TXNRD2: variants seen among roughly 807,000 people sequenced by gnomAD.
TXNRD2 encodes the protein thioredoxin reductase 2, also known as thioredoxin reductase 2, mitochondrial.
A neutral mutation model predicts 70.8 loss-of-function variants in TXNRD2; 67 were observed. The observed-to-expected ratio is 0.95, with a 90% CI of 0.78 to 1.16. TXNRD2 has a LOEUF of 1.16. TXNRD2 is among the 50% of genes most tolerant of loss of function. TXNRD2 has a pLI of 0.00. For missense variants in TXNRD2, 644 were observed against 719.9 expected, an observed-to-expected ratio of 0.89 and a Z score of 1.21; for synonymous variants, 301 against 295.8, an observed-to-expected ratio of 1.02 and a Z score of -0.18.
rs1428033641 is a variant in TXNRD2, at chr22:19,881,788, C to T, written c.1087-1071G>A. On this transcript the variant is annotated intron_variant, in intron 12 of 17. Coordinates refer to ENST00000400521, the MANE Select transcript of TXNRD2 (RefSeq NM_006440.5). ...CCACTGCACCTACATGGTCCACAGGCAGAGGCTGCGCTTGCAGAAATCACT... is the reference window on the plus strand; with the variant it reads ...CCACTGCACCTACATGGTCCACAGGTAGAGGCTGCGCTTGCAGAAATCACT... Among the ~76,000 whole-genome samples, 5 of 152,294 alleles carry T rather than the reference C, an allele frequency of 3.3e-5. No homozygotes were observed. The East Asian group carries it at 9.7e-4, about 29-fold the overall frequency.
intron 1 of TXNRD2, among the ~76,000 whole-genome samples, chr22:19,935,909 C>G (rs1941522142): frequency 6.6e-6 from 1 of 152,146 alleles, no homozygotes; most frequent in African/African-American, 2.4e-5. Flanking sequence ...GGTGAGTTGT[C>G]TGTGTATTCT....
chr22:19,919,064 GTTC>G, intron 3 of TXNRD2, 60 bp from the exon 4 acceptor site: 1 of 1,554,708 alleles, frequency 6.4e-7, no homozygotes, highest in Non-Finnish European at 8.7e-7. Flanking sequence ...AGGCTTCCCT[GTTC>G]TTCTAGAGTG....
chr22:19,925,384 A>G (rs1601468972), intron 2 of TXNRD2, among the ~76,000 whole-genome samples: 1 of 152,074 alleles, frequency 6.6e-6, no homozygotes, highest in East Asian at 1.9e-4. Context: ...CCCCAGAGCC[A>G]TATTACAAGA....
At position 19,880,623 on chromosome 22, in the gene TXNRD2, T is replaced by C. The variant is rs1405953502; in HGVS notation, c.1181A>G (p.Asn394Ser). The change falls in exon 13 of 18, where the codon AAT becomes AGT. Residue 394 changes from asparagine to serine, a missense_variant and splice_region_variant. Around this residue, in one of 3 missense-constraint regions of TXNRD2, gnomAD observed 566 missense variants for 645.0 expected, o/e 0.88. Coordinates refer to ENST00000400521, the MANE Select transcript of TXNRD2 (RefSeq NM_006440.5). ...GTGGCGTCCTGCTAGAGAACTCACA[T>C]TGTCGTAGTCCATCAGATCTGAGGA... ...GGSSDLMDYD[N>S]VPTTVFTPLE... The C allele has an allele frequency of 6.2e-7, 1 of 1,613,222 alleles. No homozygotes were observed. The highest frequency in any genetic ancestry group is 8.5e-7 in the Non-Finnish European group (1 of 1,179,938).
At position 19,881,797 on chromosome 22, in the gene TXNRD2, C is replaced by T. The variant is rs1938792429; in HGVS notation, c.1087-1080G>A. On this transcript the variant is annotated intron_variant, in intron 12 of 17. Transcript: ENST00000400521. Reference sequence around the variant, plus strand: ...CTACATGGTCCACAGGCAGAGGCTGCGCTTGCAGAAATCACTGAGCAGCTG... The same window carrying T: ...CTACATGGTCCACAGGCAGAGGCTGTGCTTGCAGAAATCACTGAGCAGCTG... Among the ~76,000 whole-genome samples the T allele has an allele frequency of 2.6e-5, 4 of 152,318 alleles. No individual in the cohort carries two copies. The South Asian group carries it at 8.3e-4, about 32-fold the overall frequency.
chr22:19,880,695 A>C lies in TXNRD2; in HGVS notation c.1109T>G (p.Ile370Arg). ...CAGGAGCCTCCCGGCCATGATCGCT[A>C]TGGGTGTCAGCTCAGGCCGCCCCTT... ...VVEGRPELTP[I>R]AIMAGRLLVQ... is the part of the protein sequence containing the mutation. The change falls in exon 13 of 18, where the codon ATA (isoleucine) becomes AGA (arginine). Residue 370 changes from isoleucine (I) to arginine (R), a missense_variant. By Grantham distance (97) the Ile-to-Arg change is moderately conservative. Transcript: ENST00000400521. The C allele has an allele frequency of 6.2e-7, 1 of 1,612,982 alleles. No homozygotes were observed. Among genetic ancestry groups the C allele is most frequent in the Non-Finnish European group, 8.5e-7 (1 of 1,179,930 alleles).
Position 19,918,532 on chromosome 22 carries a change from G to T in TXNRD2, c.375-315C>A, listed in dbSNP as rs114298877. 7.9e-3 allele frequency among the ~76,000 whole-genome samples: 1,198 copies of T among 152,062 alleles called. 16 individuals are homozygous for T. Among genetic ancestry groups the T allele is most frequent in the African/African-American group, 0.027 (1,102 of 41,484 alleles). ...AATGTGGGTGTGGCTGGGCCACGTG[G>T]TCCCCTTCCCAGAAGAGCTCAGCTG... On this transcript the variant is annotated intron_variant, in intron 4 of 17. Transcript: ENST00000400521.
At chr22:19,922,823 A>T (rs970388342) in intron 2 of TXNRD2, among the ~76,000 whole-genome samples, 3 of 152,088 alleles carry the variant, frequency 2.0e-5, no homozygotes, top group African/African-American at 7.2e-5. Flanking sequence ...AATAGCTGGG[A>T]TTACAGGTGC....
intron 3 of TXNRD2, 108 bp downstream of exon 3, chr22:19,919,435 G>T: frequency 1.0e-6 from 1 of 990,602 alleles, no homozygotes; most frequent in Non-Finnish European, 1.6e-6. Flanking sequence ...CAGAAACCAT[G>T]GACAGCAGGG....
At chr22:19,888,443 G>A (rs1029926778) in intron 11 of TXNRD2, among the ~76,000 whole-genome samples, 8 of 152,216 alleles carry the variant, frequency 5.3e-5, no homozygotes, top group Non-Finnish European at 8.8e-5. Context: ...AGTATCATGC[G>A]CCTCTCTCAT....
chr22:19,892,889 T>G (rs542280590), intron 11 of TXNRD2, among the ~76,000 whole-genome samples: 75 of 152,356 alleles, frequency 4.9e-4, no homozygotes, highest in Non-Finnish European at 9.3e-4. Context: ...TAATCCTTCG[T>G]AGTGTTTATC....
At chr22:19,935,503 G>C (rs777567733) in intron 1 of TXNRD2, among the ~76,000 whole-genome samples, 3 of 152,108 alleles carry the variant, frequency 2.0e-5, no homozygotes, top group Non-Finnish European at 2.9e-5. Flanking sequence ...AGAAGCATGT[G>C]ATCTTTGCTC....
At chr22:19,908,568 C>A (rs1308557234) in intron 8 of TXNRD2, among the ~76,000 whole-genome samples, 1 of 152,282 alleles carries the variant, frequency 6.6e-6, no homozygotes, top group East Asian at 1.9e-4. Flanking sequence ...ATGGTGTGGG[C>A]GCTGTTGGGA....
Position 19,909,627 on chromosome 22 carries a change from TCA to T in TXNRD2, c.662+1748_662+1749del, listed in dbSNP as rs1190982522. 4.8e-4 allele frequency among the ~76,000 whole-genome samples: 31 copies of T among 64,304 alleles called. 1 individual carries two copies. Among genetic ancestry groups the T allele is most frequent in the African/African-American group, 1.9e-3 (30 of 15,672 alleles). 42.2% of individuals were successfully genotyped at this position (64,304 alleles called of 152,430 possible). On this transcript the variant is annotated intron_variant, in intron 8 of 17. Coordinates refer to ENST00000400521, the MANE Select transcript of TXNRD2 (RefSeq NM_006440.5). ...CACACACACACACCACACACACCAC[TCA>T]CACACCACTCACATACACACACCAT... is the stretch of plus-strand genomic sequence containing the variant.
chr22:19,877,303 C>G (rs552449923), intron 16 of TXNRD2, 69 bp from the exon 17 acceptor site: 25 of 1,443,098 alleles, frequency 1.7e-5, no homozygotes, highest in Admixed American at 1.7e-4. Context: ...ATCCCACCCC[C>G]GGGAAGAGGA....
At chr22:19,892,598 G>A (rs149995126) in intron 11 of TXNRD2, among the ~76,000 whole-genome samples, 369 of 152,374 alleles carry the variant, frequency 2.4e-3, no homozygotes, top group Non-Finnish European at 3.7e-3. Context: ...CCGGCTTTCC[G>A]GGGACACAGC....
chr22:19,924,586 A>G (rs1941049208), intron 2 of TXNRD2, among the ~76,000 whole-genome samples: 1 of 152,202 alleles, frequency 6.6e-6, no homozygotes, highest in Admixed American at 6.5e-5. Context: ...GATATAACCA[A>G]AGGCTCAAGC....
chr22:19,927,835 G>A (rs186370210), intron 2 of TXNRD2, among the ~76,000 whole-genome samples: 4 of 152,084 alleles, frequency 2.6e-5, no homozygotes, highest in African/African-American at 4.8e-5. Context: ...TGCTAACAGC[G>A]GGAGTTCCTG....
intron 14 of TXNRD2, among the ~76,000 whole-genome samples, chr22:19,879,218 A>G (rs1374484592): frequency 6.6e-6 from 1 of 152,154 alleles, no homozygotes; most frequent in Non-Finnish European, 1.5e-5. Flanking sequence ...GTTGATGGAG[A>G]GTTCTGGGGT....
Sources: allele counts gnomAD v4.1 joint callset (sites outside exome capture counted in the v4.1 genomes callset), GRCh38; gene constraint gnomAD v4.1.1; regional missense constraint gnomAD v4.1.1; transcripts MANE v1.5; gene names NCBI Gene and HGNC (gene_info 2026-07-23, HGNC 2026-07-21).